Variants in DNAH14 observed in about 807,000 individuals in gnomAD.
The protein encoded by DNAH14 is dynein axonemal heavy chain 14.
A neutral mutation model predicts 520.9 loss-of-function variants in DNAH14; 478 were observed. The ratio of observed to expected loss-of-function variants is 0.92; its 90% CI spans 0.85 to 0.99. DNAH14 has a LOEUF of 0.99. DNAH14 is among the 50% of genes least tolerant of loss of function. The probability of loss-of-function intolerance (pLI) is 0.00; values close to 1 mark genes in which losing one functional copy is unlikely to be tolerated. For synonymous variants in DNAH14, 1,581 were observed against 1,757.2 expected (o/e 0.90, Z 2.51); for missense variants, 4,831 against 5,234.5 (o/e 0.92, Z 2.38).
intron 28 of DNAH14, among the ~76,000 whole-genome samples, chr1:225,141,446 G>A (rs1242221417): frequency 2.1e-5 from 3 of 139,900 alleles, no homozygotes; most frequent in African/African-American, 8.0e-5. Context: ...GGAACTATAT[G>A]TGGTTTGAAC....
At chr1:225,271,614 C>T (rs773439685) in intron 50 of DNAH14, among the ~76,000 whole-genome samples, 2 of 152,156 alleles carry the variant, frequency 1.3e-5, no homozygotes, top group Non-Finnish European at 2.9e-5. Flanking sequence ...GAATTCCCAG[C>T]ACACCTGGTA....
At position 225,207,642 on chromosome 1, in the gene DNAH14, T is replaced by G. The variant is rs80210744; in HGVS notation, c.6439+422T>G. On this transcript the variant is annotated intron_variant, in intron 41 of 85. Transcript: ENST00000682510. ...AGATTCAGAAAATCATGTAGTATTA[T>G]AGATAAGATATTGGTATTGTCTCTG... Among the ~76,000 whole-genome samples the G allele has an allele frequency of 2.9e-3, 439 of 152,318 alleles. 1 individual carries two copies. The highest frequency in any genetic ancestry group is 6.8e-3 in the Middle Eastern group (2 of 294).
intron 74 of DNAH14, among the ~76,000 whole-genome samples, chr1:225,360,261 G>C (rs1227277011): frequency 6.6e-6 from 1 of 152,136 alleles, no homozygotes; most frequent in Non-Finnish European, 1.5e-5. Context: ...TGGGCATTTG[G>C]GTTGATTCCA....
intron 12 of DNAH14, among the ~76,000 whole-genome samples, chr1:225,041,629 T>C (rs2067490672): frequency 6.6e-6 from 1 of 152,204 alleles, no homozygotes; most frequent in African/African-American, 2.4e-5. Flanking sequence ...AGTAATAATT[T>C]CTGTCTCTTG....
chr1:224,967,846 A>G, intron 6 of DNAH14: 2 of 1,310,476 alleles, frequency 1.5e-6, no homozygotes, highest in Non-Finnish European at 1.9e-6. Flanking sequence ...GTAAATTTTT[A>G]CAGGAAGAAC....
At position 225,119,228 on chromosome 1, in the gene DNAH14, G is replaced by C. The variant is rs372412698; in HGVS notation, c.4100G>C (p.Arg1367Pro). 1 of 1,517,038 alleles carries C rather than the reference G, an allele frequency of 6.6e-7. No individual in the cohort carries two copies. Among genetic ancestry groups the C allele is most frequent in the Non-Finnish European group, 8.8e-7 (1 of 1,131,884 alleles). The allele number at this position is 1,517,038 out of a possible 1,614,324, so 94.0% of individuals were successfully genotyped here. A position where few individuals can be genotyped will look rare whatever the true frequency, so the allele number is the denominator to read the frequency against. ...GEGLVLPKKI[R>P]VRSAVEQWLV... ...TTTGAAACTAATTTTAGGAAAATTC[G>C]TGTAAGAAGTGCTGTAGAACAGTGG... is the stretch of plus-strand genomic sequence containing the variant. The change falls in exon 26 of 86, where the codon CGT (arginine) becomes CCT (proline). Residue 1367 changes from arginine (R) to proline (P), a missense_variant. By Grantham distance (103) the Arg-to-Pro change is moderately radical. Transcript: ENST00000682510.
In DNAH14 at chr1:225,207,039, A is replaced by G. The variant is rs548823630; in HGVS notation, c.6258A>G (p.Gln2086=). ...WLLKTSKIIS[Q]SGVDCLEFMI... is the part of the protein sequence containing the mutation. ...TGAAAACTTCTAAAATTATAAGTCA[A>G]TCAGGAGTGGATTGTCTTGAATTCA... The change falls in exon 41 of 86, where the codon CAA becomes CAG. Residue 2086 remains glutamine, a synonymous_variant. Coordinates refer to ENST00000682510, the MANE Select transcript of DNAH14 (RefSeq NM_001367479.1). The G allele has an allele frequency of 6.6e-5, 103 of 1,549,580 alleles. No individual in the cohort carries two copies. The South Asian group carries it at 9.3e-4, about 14-fold the overall frequency.
intron 27 of DNAH14, among the ~76,000 whole-genome samples, chr1:225,137,611 C>G (rs1483178893): frequency 6.6e-6 from 1 of 152,200 alleles, no homozygotes; most frequent in South Asian, 2.1e-4. Flanking sequence ...CCACCTCAGC[C>G]TCCCAGAGTG....
intron 28 of DNAH14, among the ~76,000 whole-genome samples, chr1:225,142,962 A>G (rs894126626): frequency 6.6e-6 from 1 of 152,152 alleles, no homozygotes; most frequent in Non-Finnish European, 1.5e-5. Context: ...AAAAAAATTA[A>G]TGAAATAAAT....
chr1:225,130,494 A>G (rs2078276312), intron 27 of DNAH14, among the ~76,000 whole-genome samples: 1 of 152,134 alleles, frequency 6.6e-6, no homozygotes, highest in Non-Finnish European at 1.5e-5. Context: ...CAGGCATAAA[A>G]AATGATGAGT....
intron 69 of DNAH14, 149 bp downstream of exon 69, chr1:225,340,850 A>G: frequency 2.0e-6 from 2 of 998,018 alleles, no homozygotes; most frequent in East Asian, 2.7e-5. Flanking sequence ...CCCCATTTCT[A>G]AACTTAAATA....
At chr1:225,039,454 A>G (rs967121693) in intron 12 of DNAH14, among the ~76,000 whole-genome samples, 2 of 152,092 alleles carry the variant, frequency 1.3e-5, no homozygotes, top group Admixed American at 6.5e-5. Context: ...TAAAATGCTT[A>G]TTACCCATCA....
Position 224,929,785 on chromosome 1 carries a change from T to G in DNAH14, c.-84T>G. ...CTCGCCGGCGTGGGCGGGCCGGACC[T>G]TCGCCGCTTCCAGGAAGGGCCACAA... On this transcript the variant is annotated 5_prime_UTR_variant, in exon 1 of 86. Transcript: ENST00000682510. 1 of 700,650 alleles carries G rather than the reference T, an allele frequency of 1.4e-6. No homozygotes were observed. Among genetic ancestry groups the G allele is most frequent in the Non-Finnish European group, 2.6e-6 (1 of 383,624 alleles). The allele number at this position is 700,650 out of a possible 1,614,324, so 43.4% of individuals were successfully genotyped here.
At chr1:225,330,159 G>A (rs1230248786) in intron 64 of DNAH14, among the ~76,000 whole-genome samples, 1 of 152,082 alleles carries the variant, frequency 6.6e-6, no homozygotes, top group Non-Finnish European at 1.5e-5. Flanking sequence ...ATAACAAAAT[G>A]CTGACAGGGA....
chr1:225,127,305 G>C (rs1226685964), intron 27 of DNAH14, among the ~76,000 whole-genome samples: 1 of 151,548 alleles, frequency 6.6e-6, no homozygotes, highest in Non-Finnish European at 1.5e-5. Context: ...GTTGACAGTG[G>C]GGTGTTAAAG....
intron 36 of DNAH14, among the ~76,000 whole-genome samples, chr1:225,180,562 T>A (rs550681321): frequency 3.1e-4 from 47 of 152,170 alleles, no homozygotes; most frequent in Admixed American, 2.0e-4. Context: ...AGGCTTTTTT[T>A]AATAACCAGC....
At chr1:225,348,315 G>A (rs762622434) in intron 71 of DNAH14, among the ~76,000 whole-genome samples, 6 of 151,930 alleles carry the variant, frequency 3.9e-5, no homozygotes, top group Non-Finnish European at 5.9e-5. Flanking sequence ...ATTCTTTGAA[G>A]AAACAATCGC....
At chr1:225,155,259 A>T (rs762571666) in intron 34 of DNAH14, among the ~76,000 whole-genome samples, 2 of 152,160 alleles carry the variant, frequency 1.3e-5, no homozygotes, top group African/African-American at 4.8e-5. Flanking sequence ...TGAAAAAAAG[A>T]TGAATATGTT....
intron 84 of DNAH14, among the ~76,000 whole-genome samples, chr1:225,393,690 G>T (rs2095953527): frequency 6.6e-6 from 1 of 151,982 alleles, no homozygotes; most frequent in African/African-American, 2.4e-5. Flanking sequence ...TTTCAATGTG[G>T]TTGTACCAAT....
Sources: gnomAD v4.1 joint callset for allele counts (sites outside exome capture counted in the v4.1 genomes callset) on GRCh38, gnomAD v4.1.1 for gene constraint, MANE v1.5 for transcripts, NCBI Gene and HGNC (gene_info 2026-07-23, HGNC 2026-07-21) for gene names.